The following EIF3A variants were observed in gnomAD, a reference collection of about 807,000 sequenced individuals.
EIF3A encodes the protein EIF3, p180 subunit.
EIF3A carries 21 observed loss-of-function variants against 186.6 expected under a neutral mutation model. That is an observed-to-expected ratio of 0.11 (90% CI 0.08 to 0.16). The LOEUF (loss-of-function observed/expected upper bound fraction) is 0.16, where lower values mean the gene tolerates loss of function less well. Ranked by LOEUF, EIF3A falls within the 10% of genes least tolerant of loss-of-function variation. The pLI, the probability that EIF3A is intolerant of heterozygous loss-of-function variation, is 1.00. For synonymous variants in EIF3A, 563 were observed against 584.3 expected (o/e 0.96, Z 0.52); for missense variants, 1,306 against 1,796.3 (o/e 0.73, Z 4.93).
intron 1 of EIF3A, among the ~76,000 whole-genome samples, chr10:119,076,002 A>C (rs1034129842): frequency 1.9e-4 from 28 of 145,514 alleles, no homozygotes; most frequent in Non-Finnish European, 1.5e-5. Context: ...CTGGGGATAC[A>C]GGCGTGAGCC....
At chr10:119,051,783 T>G (rs1024582174) in intron 14 of EIF3A, among the ~76,000 whole-genome samples, 2 of 152,208 alleles carry the variant, frequency 1.3e-5, no homozygotes, top group African/African-American at 4.8e-5. Flanking sequence ...GTAAGTCAGA[T>G]GCAGTAGTAC....
intron 9 of EIF3A, 109 bp from the exon 10 acceptor site, chr10:119,059,827 G>T: frequency 1.2e-5 from 9 of 754,992 alleles, no homozygotes; most frequent in Admixed American, 1.9e-5. Flanking sequence ...GAGAATTTAT[G>T]TTAGCAGTAC....
chr10:119,042,612 G>A lies in EIF3A; in HGVS notation c.2908C>T (p.Arg970Cys), dbSNP rs1336870426. ...RGMDDDRGPR[R>C]GPEEDRFSRR... Reference sequence around the variant, plus strand: ...GAGAACCTATCTTCCTCAGGACCACGTCTAGGGCCTCTGTCATCATCCATG... The same window carrying A: ...GAGAACCTATCTTCCTCAGGACCACATCTAGGGCCTCTGTCATCATCCATG... The change falls in exon 19 of 22, where the codon CGT becomes TGT. Residue 970 changes from arginine (R) to cysteine (C), a missense_variant. Transcript: ENST00000369144. This position sits in a 1 kb window ranked among gnomAD's most constrained non-coding sequence, Gnocchi z 7.8. The A allele has an allele frequency of 7.4e-6, 12 of 1,614,026 alleles. No homozygotes were observed. Among genetic ancestry groups the A allele is most frequent in the East Asian group, 4.5e-5 (2 of 44,882 alleles).
chr10:119,075,422 A>C (rs1293486238), intron 1 of EIF3A, among the ~76,000 whole-genome samples: 2 of 151,926 alleles, frequency 1.3e-5, no homozygotes, highest in African/African-American at 4.8e-5. Context: ...CCAAGGTTAA[A>C]ATTTATCTTA....
In EIF3A at chr10:119,042,485, G is replaced by A. The variant is rs372236521; in HGVS notation, c.3035C>T (p.Ala1012Val). 96 of 1,614,038 alleles carry A rather than the reference G, an allele frequency of 5.9e-5. No homozygotes were observed. The African/African-American group carries it at 7.1e-4, about 12-fold the overall frequency. ...TCGTCTAGGTGGTCTGTCATCATCCGCATGACGCCAGTTTCCCCTGTCTTC... is the reference window on the plus strand; with the variant it reads ...TCGTCTAGGTGGTCTGTCATCATCCACATGACGCCAGTTTCCCCTGTCTTC... Reference protein sequence around the residue: ...ADEDRGNWRHADDDRPPRRGL... With the variant: ...ADEDRGNWRHVDDDRPPRRGL... The change falls in exon 19 of 22, where the codon GCG (alanine) becomes GTG (valine). Residue 1012 changes from alanine (A) to valine (V), a missense_variant. Around this residue, in one of 8 missense-constraint regions of EIF3A, gnomAD observed 410 missense variants for 473.5 expected, o/e 0.87. Transcript: ENST00000369144. The surrounding 1 kb of genome is among the most constrained non-coding windows in gnomAD (Gnocchi z 7.8).
chr10:119,034,200 G>A lies in EIF3A; in HGVS notation c.*1839C>T, dbSNP rs936666664. The A allele has an allele frequency of 6.0e-6, 1 of 167,126 alleles. No individual in the cohort carries two copies. Among genetic ancestry groups the A allele is most frequent in the African/African-American group, 2.4e-5 (1 of 41,466 alleles). The allele number at this position is 167,126 out of a possible 1,614,324, so 10.4% of individuals were successfully genotyped here. Reference sequence around the variant, plus strand: ...TGGAAACCAAGAGCAGGATCGCAAAGTAACAGCATCAGACTCTTCTGCCCT... The same window carrying A: ...TGGAAACCAAGAGCAGGATCGCAAAATAACAGCATCAGACTCTTCTGCCCT... On this transcript the variant is annotated 3_prime_UTR_variant, in exon 22 of 22. Transcript: ENST00000369144.
At chr10:119,043,264 C>G (rs897711064) in intron 18 of EIF3A, among the ~76,000 whole-genome samples, 2 of 152,070 alleles carry the variant, frequency 1.3e-5, no homozygotes, top group African/African-American at 4.8e-5. Flanking sequence ...ACTAAAAATG[C>G]AAAAATTAGC....
At chr10:119,077,932 ATACT>A (rs1844203662) in intron 1 of EIF3A, among the ~76,000 whole-genome samples, 1 of 152,238 alleles carries the variant, frequency 6.6e-6, no homozygotes, top group African/African-American at 2.4e-5. Context: ...TTCTATTTCA[ATACT>A]TAAATATTGA....
chr10:119,038,554 A>C, intron 19 of EIF3A, 115 bp from the exon 20 acceptor site: 1 of 828,538 alleles, frequency 1.2e-6, no homozygotes, highest in Non-Finnish European at 1.9e-6. Context: ...CTAATTTAAG[A>C]CACTGATTAA....
chr10:119,040,453 C>T (rs774403446), intron 19 of EIF3A, among the ~76,000 whole-genome samples: 7 of 152,120 alleles, frequency 4.6e-5, no homozygotes, highest in Non-Finnish European at 2.9e-5. Context: ...AACAAGTGCA[C>T]GTGTATGTGA....
At position 119,042,947 on chromosome 10, in the gene EIF3A, G is replaced by C. The variant is rs1307210678; in HGVS notation, c.2748-175C>G. ...GCAGGCAGATCACCTGAGGTCAGGA[G>C]TTCAAGACCAGCCTGGCCTGGCAAA... On this transcript the variant is annotated intron_variant, in intron 18 of 21. Coordinates refer to ENST00000369144, the MANE Select transcript of EIF3A (RefSeq NM_003750.4). The surrounding 1 kb of genome is among the most constrained non-coding windows in gnomAD (Gnocchi z 7.8). Among the ~76,000 whole-genome samples, 1 of 152,144 alleles carries C rather than the reference G, an allele frequency of 6.6e-6. No homozygotes were observed. The highest frequency in any genetic ancestry group is 2.4e-5 in the African/African-American group (1 of 41,422).
chr10:119,052,371 TGTG>T lies in EIF3A; in HGVS notation c.2197-1053_2197-1051del, dbSNP rs1280017687. Among the ~76,000 whole-genome samples the T allele has an allele frequency of 1.9e-4, 26 of 133,946 alleles. No individual in the cohort carries two copies. In the East Asian group the frequency reaches 5.7e-3, roughly 29 times the overall value. The allele number at this position is 133,946 out of a possible 152,430, so 87.9% of individuals were successfully genotyped here. A position where few individuals can be genotyped will look rare whatever the true frequency, so the allele number is the denominator to read the frequency against. On this transcript the variant is annotated intron_variant, in intron 14 of 21. Transcript: ENST00000369144. ...CAGGTTATAGTCTTTTTTGGTTTTG[TGTG>T]TGTGTGTGTGTGTGTGTGTGTGTGT... is the stretch of plus-strand genomic sequence containing the variant.
chr10:119,058,846 G>A (rs1386643137), intron 11 of EIF3A, among the ~76,000 whole-genome samples: 1 of 152,194 alleles, frequency 6.6e-6, no homozygotes, highest in African/African-American at 2.4e-5. Flanking sequence ...TGGCATCACT[G>A]CACTCCAGCC....
intron 1 of EIF3A, among the ~76,000 whole-genome samples, chr10:119,074,944 GA>G (rs1178068792): frequency 8.6e-6 from 1 of 116,602 alleles, no homozygotes; most frequent in African/African-American, 3.0e-5. Flanking sequence ...AAAAAAAAGG[GA>G]AAAAAATGGA....
intron 1 of EIF3A, among the ~76,000 whole-genome samples, chr10:119,075,393 G>A (rs4635009): frequency 0.85 from 128,727 of 152,036 alleles, 57,278 homozygotes; most frequent in Non-Finnish European, 0.97. Context: ...CAATACCTTT[G>A]CCATTACATT....
At chr10:119,037,004 C>CA in intron 21 of EIF3A, 115 bp downstream of exon 21, 1 of 733,880 alleles carries the variant, frequency 1.4e-6, no homozygotes. Context: ...AATAGAATAT[C>CA]AACTCTCTTA....
intron 11 of EIF3A, 44 bp from the exon 12 acceptor site, chr10:119,058,347 T>A (rs1205326999): frequency 2.1e-5 from 28 of 1,356,324 alleles, no homozygotes; most frequent in Non-Finnish European, 2.7e-5. Context: ...AAATTAACAT[T>A]CTCTGGTATT....
chr10:119,066,256 C>A (rs1345603438), intron 6 of EIF3A, among the ~76,000 whole-genome samples: 1 of 151,984 alleles, frequency 6.6e-6, no homozygotes, highest in African/African-American at 2.4e-5. Context: ...CGCCTGTAAT[C>A]CCAGCACTTT....
At chr10:119,056,693 G>A (rs758327220) in intron 14 of EIF3A, 47 bp downstream of exon 14, 1 of 1,247,670 alleles carries the variant, frequency 8.0e-7, no homozygotes, top group Non-Finnish European at 1.2e-6. Flanking sequence ...TACTGGCAGA[G>A]GATTTTATTA....
Sources: gnomAD v4.1 joint callset for allele counts (sites outside exome capture counted in the v4.1 genomes callset) on GRCh38, gnomAD v4.1.1 for gene constraint, gnomAD v4.1.1 regional missense constraint, Gnocchi (gnomAD v3.1) non-coding constraint, MANE v1.5 for transcripts, NCBI Gene and HGNC (gene_info 2026-07-23, HGNC 2026-07-21) for gene names.